PPP1R12B: variants seen among roughly 807,000 people sequenced by gnomAD.
PPP1R12B encodes myosin phosphatase target subunit 2.
A neutral mutation model predicts 126.1 loss-of-function variants in PPP1R12B; 76 were observed. That is an observed-to-expected ratio of 0.60 (90% CI 0.50 to 0.73). The LOEUF (loss-of-function observed/expected upper bound fraction) is 0.73. Among genes scored for constraint, PPP1R12B ranks in the 30% least tolerant of loss-of-function variants. The pLI, the probability that PPP1R12B is intolerant of heterozygous loss-of-function variation, is 0.00. For synonymous variants in PPP1R12B, 356 were observed against 434.7 expected, an observed-to-expected ratio of 0.82 and a Z score of 2.25; for missense variants, 1,052 against 1,205.1, an observed-to-expected ratio of 0.87 and a Z score of 1.88.
intron 1 of PPP1R12B, among the ~76,000 whole-genome samples, chr1:202,357,411 T>C (rs1245970900): frequency 2.0e-5 from 3 of 152,308 alleles, no homozygotes; most frequent in Non-Finnish European, 4.4e-5. Flanking sequence ...GTGGAGGTTA[T>C]ATGAAGTTTT....
intron 1 of PPP1R12B, among the ~76,000 whole-genome samples, chr1:202,381,397 G>GGTGTGTGTGT (rs773680210): frequency 1.9e-3 from 44 of 23,314 alleles, no homozygotes; most frequent in African/African-American, 4.6e-3. Flanking sequence ...TGAGCTTTGG[G>GGTGTGTGTGT]GTGTGTGTGT....
In PPP1R12B at chr1:202,348,734, G is replaced by C. The variant is rs1553259152; in HGVS notation, c.-118G>C. 7.6e-7 allele frequency: 1 copy of C among 1,313,708 alleles called. No individual in the cohort carries two copies. The highest frequency in any genetic ancestry group is 1.6e-5 in the South Asian group (1 of 64,510). 81.4% of individuals were successfully genotyped at this position (1,313,708 alleles called of 1,614,324 possible). On this transcript the variant is annotated 5_prime_UTR_variant, in exon 1 of 24. Coordinates refer to ENST00000608999, the MANE Select transcript of PPP1R12B (RefSeq NM_002481.4). ...GCGGGAGGAGTAAAGATGGCGGCGCGAGGGTCTCCGCCCTCTGCTCCGGGC... is the reference window on the plus strand; with the variant it reads ...GCGGGAGGAGTAAAGATGGCGGCGCCAGGGTCTCCGCCCTCTGCTCCGGGC...
intron 12 of PPP1R12B, chr1:202,445,244 G>A: frequency 2.4e-6 from 3 of 1,243,958 alleles, no homozygotes; most frequent in Non-Finnish European, 3.0e-6. Flanking sequence ...GCTTCTTGAA[G>A]CCATTTGAGT....
chr1:202,586,949 TA>T lies in PPP1R12B; in HGVS notation c.*6390del, dbSNP rs1454806139. On this transcript the variant is annotated 3_prime_UTR_variant, in exon 24 of 24. Transcript: ENST00000608999. ...AGCTTTTAAAATGAGGTCTGGCATA[TA>T]CTTGATTACAAATGAAAACTCAGAA... The T allele has an allele frequency of 6.6e-6, 1 of 152,270 alleles. No homozygotes were observed. The highest frequency in any genetic ancestry group is 1.5e-5 in the Non-Finnish European group (1 of 68,052). 9.4% of individuals were successfully genotyped at this position (152,270 alleles called of 1,614,324 possible).
chr1:202,354,509 A>G (rs1396113221), intron 1 of PPP1R12B, among the ~76,000 whole-genome samples: 1 of 151,780 alleles, frequency 6.6e-6, no homozygotes, highest in Non-Finnish European at 1.5e-5. Flanking sequence ...CTGGAGTTGC[A>G]GTGAGCCATG....
intron 1 of PPP1R12B, among the ~76,000 whole-genome samples, chr1:202,358,832 T>C (rs553782172): frequency 6.6e-6 from 1 of 152,354 alleles, no homozygotes; most frequent in South Asian, 2.1e-4. Context: ...ACTTAAATGT[T>C]ATGACACAGT....
intron 11 of PPP1R12B, among the ~76,000 whole-genome samples, chr1:202,441,259 A>G (rs577755940): frequency 6.0e-4 from 92 of 152,346 alleles, no homozygotes; most frequent in African/African-American, 2.0e-3. Context: ...GCTGCATCTC[A>G]GGGCAAATGT....
chr1:202,449,937 C>T (rs573967588), intron 13 of PPP1R12B, among the ~76,000 whole-genome samples: 5 of 152,152 alleles, frequency 3.3e-5, no homozygotes, highest in Non-Finnish European at 5.9e-5. Context: ...CCGCCCGCCT[C>T]GGCCTCCCAA....
chr1:202,350,128 A>G (rs944868573), intron 1 of PPP1R12B, among the ~76,000 whole-genome samples: 1 of 152,242 alleles, frequency 6.6e-6, no homozygotes. Context: ...ACTCAACTTT[A>G]TATCAGACCA....
chr1:202,450,712 C>T (rs1672821852), intron 13 of PPP1R12B, among the ~76,000 whole-genome samples: 1 of 152,150 alleles, frequency 6.6e-6, no homozygotes, highest in Admixed American at 6.5e-5. Context: ...CTCTGTTCCA[C>T]TGGTCTATAT....
chr1:202,445,115 T>C (rs1672076690), intron 12 of PPP1R12B: 6 of 1,247,156 alleles, frequency 4.8e-6, no homozygotes, highest in Non-Finnish European at 5.1e-6. Flanking sequence ...CATCTCCTGC[T>C]ACCTCACCCA....
At chr1:202,427,731 AC>A (rs1399004061) in intron 5 of PPP1R12B, among the ~76,000 whole-genome samples, 1 of 151,858 alleles carries the variant, frequency 6.6e-6, no homozygotes, top group African/African-American at 2.4e-5. Flanking sequence ...TGCAGGCTCC[AC>A]CTCTCAAGTT....
At chr1:202,382,696 G>A (rs1282166484) in intron 1 of PPP1R12B, among the ~76,000 whole-genome samples, 3 of 151,630 alleles carry the variant, frequency 2.0e-5, no homozygotes, top group Admixed American at 2.0e-4. Flanking sequence ...GGGCAACATG[G>A]CAAAACCCTG....
At chr1:202,380,495 T>G (rs1463355267) in intron 1 of PPP1R12B, among the ~76,000 whole-genome samples, 1 of 152,194 alleles carries the variant, frequency 6.6e-6, no homozygotes, top group Non-Finnish European at 1.5e-5. Flanking sequence ...TGATTTGAAC[T>G]TTGGGTTATT....
rs532151798 is a variant in PPP1R12B at position 202,556,310 on chromosome 1, T to A, written c.2491-2567T>A. 6.6e-5 allele frequency among the ~76,000 whole-genome samples: 10 copies of A among 152,312 alleles called. No homozygotes were observed. The South Asian group carries it at 2.1e-3, about 32-fold the overall frequency. On this transcript the variant is annotated intron_variant, in intron 18 of 23. Coordinates refer to ENST00000608999, the MANE Select transcript of PPP1R12B (RefSeq NM_002481.4). ...TAGAATAAGTGGTAACTTGCCAAGG[T>A]CACATTGCTAGATGTCAGAGCAGAA...
intron 14 of PPP1R12B, among the ~76,000 whole-genome samples, chr1:202,491,250 G>A (rs1178197719): frequency 6.6e-6 from 1 of 152,124 alleles, no homozygotes; most frequent in East Asian, 1.9e-4. Flanking sequence ...CAGGGTTCAA[G>A]CAATTCTCCT....
intron 18 of PPP1R12B, among the ~76,000 whole-genome samples, chr1:202,530,939 A>G (rs1016181845): frequency 6.6e-6 from 1 of 152,196 alleles, no homozygotes; most frequent in Non-Finnish European, 1.5e-5. Flanking sequence ...ATTAAGGCTG[A>G]CTCTTTACTC....
chr1:202,405,225 C>T (rs1338469765), intron 1 of PPP1R12B, among the ~76,000 whole-genome samples: 1 of 152,088 alleles, frequency 6.6e-6, no homozygotes, highest in Admixed American at 6.6e-5. Context: ...TATGGTAAAA[C>T]GCAGTCTAAA....
At chr1:202,523,328 A>G (rs1312822643) in intron 18 of PPP1R12B, among the ~76,000 whole-genome samples, 1 of 152,220 alleles carries the variant, frequency 6.6e-6, no homozygotes, top group East Asian at 1.9e-4. Context: ...AAAACTAGAA[A>G]GGAGAATTGA....
Sources: gnomAD v4.1 joint callset for allele counts (sites outside exome capture counted in the v4.1 genomes callset) on GRCh38, gnomAD v4.1.1 for gene constraint, MANE v1.5 for transcripts, NCBI Gene and HGNC (gene_info 2026-07-23, HGNC 2026-07-21) for gene names.